Variants in PARD3B observed in about 807,000 individuals in gnomAD.
The protein encoded by PARD3B is par-3 family cell polarity regulator beta, also known as partitioning defective 3 homolog B.
Under a neutral mutation model 130.2 loss-of-function variants are expected in PARD3B, and 103 were observed. The observed-to-expected ratio is 0.79, with a 90% CI of 0.67 to 0.93. The LOEUF (loss-of-function observed/expected upper bound fraction) is 0.93. Among genes scored for constraint, PARD3B ranks in the 40% least tolerant of loss-of-function variants. The pLI, the probability that PARD3B is intolerant of heterozygous loss-of-function variation, is 0.00. For missense variants in PARD3B, 1,609 were observed against 1,499.2 expected, an observed-to-expected ratio of 1.07 and a Z score of -1.21; for synonymous variants, 583 against 553.2, an observed-to-expected ratio of 1.05 and a Z score of -0.76.
intron 3 of PARD3B, among the ~76,000 whole-genome samples, chr2:204,994,987 A>G (rs1425893858): frequency 6.6e-6 from 1 of 150,512 alleles, no homozygotes; most frequent in Non-Finnish European, 1.5e-5. Context: ...TGCACGTGAG[A>G]TGGGTTTCCT....
intron 2 of PARD3B, among the ~76,000 whole-genome samples, chr2:204,958,171 T>G (rs1427780160): frequency 6.6e-6 from 1 of 152,212 alleles, no homozygotes; most frequent in Admixed American, 6.5e-5. Flanking sequence ...TGATTCTTTT[T>G]TATTTTCTAC....
At chr2:204,819,022 A>G (rs138716767) in intron 2 of PARD3B, among the ~76,000 whole-genome samples, 15 of 152,358 alleles carry the variant, frequency 9.8e-5, no homozygotes, top group Non-Finnish European at 1.8e-4. Context: ...AGCTAGAGAC[A>G]TCAGCATGAA....
At chr2:205,124,592 T>A (rs926170897) in intron 9 of PARD3B, 126 bp downstream of exon 9, 4 of 666,000 alleles carry the variant, frequency 6.0e-6, no homozygotes, top group African/African-American at 5.7e-5. Flanking sequence ...TATTAAAAAT[T>A]ATTACTTATA....
At chr2:205,084,391 T>C (rs1027587680) in intron 4 of PARD3B, among the ~76,000 whole-genome samples, 14 of 152,084 alleles carry the variant, frequency 9.2e-5, no homozygotes, top group Non-Finnish European at 1.5e-4. Context: ...GAATATTTCA[T>C]AGGTGGTGCT....
At chr2:204,874,829 T>C (rs901407693) in intron 2 of PARD3B, among the ~76,000 whole-genome samples, 2 of 152,204 alleles carry the variant, frequency 1.3e-5, no homozygotes, top group African/African-American at 4.8e-5. Context: ...AAAGGAATCA[T>C]AGTTGCTATT....
chr2:204,875,804 G>A lies in PARD3B; in HGVS notation c.223-89348G>A, dbSNP rs139736951. On this transcript the variant is annotated intron_variant, in intron 2 of 22. Coordinates refer to ENST00000406610, the MANE Select transcript of PARD3B (RefSeq NM_001302769.2). ...GTTTTAAAGGTAGGATTAAGAAGGC[G>A]GCCCTAAAAATCTTACAGTATGTCA... is the stretch of plus-strand genomic sequence containing the variant. Among the ~76,000 whole-genome samples the A allele has an allele frequency of 6.6e-3, 1,005 of 152,250 alleles. 10 individuals are homozygous for A. Among genetic ancestry groups the A allele is most frequent in the African/African-American group, 0.022 (903 of 41,542 alleles).
At chr2:204,845,085 G>C (rs2044407892) in intron 2 of PARD3B, among the ~76,000 whole-genome samples, 1 of 152,098 alleles carries the variant, frequency 6.6e-6, no homozygotes, top group Non-Finnish European at 1.5e-5. Context: ...GGCTAAATGA[G>C]AGTTGAAAAT....
intron 3 of PARD3B, among the ~76,000 whole-genome samples, chr2:204,996,958 A>C (rs1456083903): frequency 4.6e-5 from 7 of 151,074 alleles, no homozygotes; most frequent in South Asian, 4.2e-4. Flanking sequence ...GTGCGCGCAC[A>C]CACTGGCCTG....
chr2:205,391,850 A>G (rs1018600927), intron 18 of PARD3B, among the ~76,000 whole-genome samples: 5 of 151,794 alleles, frequency 3.3e-5, no homozygotes, highest in East Asian at 3.9e-4. Context: ...CCTTTTTTTC[A>G]TAAGTTTCCC....
chr2:204,789,587 C>T (rs922466050), intron 2 of PARD3B, among the ~76,000 whole-genome samples: 2 of 152,128 alleles, frequency 1.3e-5, no homozygotes, highest in African/African-American at 4.8e-5. Flanking sequence ...TTTAATTCTG[C>T]AATGAAGCAA....
chr2:205,039,730 A>G (rs1383914102), intron 3 of PARD3B, among the ~76,000 whole-genome samples: 1 of 152,044 alleles, frequency 6.6e-6, no homozygotes, highest in African/African-American at 2.4e-5. Context: ...TTGGTTTCCC[A>G]AAGTGTTGGG....
intron 2 of PARD3B, among the ~76,000 whole-genome samples, chr2:204,916,890 A>C (rs2047467513): frequency 1.3e-5 from 2 of 152,214 alleles, no homozygotes; most frequent in Admixed American, 1.3e-4. Flanking sequence ...GTGTTTATTG[A>C]GTACCAGTAA....
chr2:204,806,766 G>A (rs907601568), intron 2 of PARD3B, among the ~76,000 whole-genome samples: 2 of 152,168 alleles, frequency 1.3e-5, no homozygotes, highest in East Asian at 1.9e-4. Context: ...GAACCAGAAT[G>A]TATAAGGAGC....
Position 204,822,521 on chromosome 2 carries a change from TA to T in PARD3B, c.222+136245del, listed in dbSNP as rs539672277. 1.2e-3 allele frequency among the ~76,000 whole-genome samples: 182 copies of T among 152,304 alleles called. 1 individual carries two copies. The highest frequency in any genetic ancestry group is 2.3e-3 in the Non-Finnish European group (154 of 68,000). Reference sequence around the variant, plus strand: ...ACATAAAAGGACTTTAAGGTTCAAATAAAAAATAGATTTAATTCATTTTGTA... The same window carrying T: ...ACATAAAAGGACTTTAAGGTTCAAATAAAAATAGATTTAATTCATTTTGTA... On this transcript the variant is annotated intron_variant, in intron 2 of 22. Transcript: ENST00000406610.
chr2:204,901,032 C>T (rs1289985404), intron 2 of PARD3B, among the ~76,000 whole-genome samples: 9 of 152,088 alleles, frequency 5.9e-5, no homozygotes, highest in African/African-American at 2.2e-4. Flanking sequence ...CACAAGGACC[C>T]TTGTGGCCAT....
At chr2:205,489,567 T>TACATATATACATATATACAC (rs775077563) in intron 20 of PARD3B, among the ~76,000 whole-genome samples, 1 of 147,718 alleles carries the variant, frequency 6.8e-6, no homozygotes, top group African/African-American at 2.5e-5. Context: ...TACATATATA[T>TACATATATACATATATACAC]ACACACACAC....
intron 2 of PARD3B, among the ~76,000 whole-genome samples, chr2:204,748,998 C>T (rs1374869777): frequency 6.6e-6 from 1 of 152,048 alleles, no homozygotes; most frequent in Non-Finnish European, 1.5e-5. Flanking sequence ...AGCCAACCCC[C>T]TTTTCGTTAA....
chr2:204,654,197 T>C (rs2035573219), intron 1 of PARD3B, among the ~76,000 whole-genome samples: 1 of 151,166 alleles, frequency 6.6e-6, no homozygotes, highest in African/African-American at 2.5e-5. Context: ...TTATGGTGAG[T>C]GTGCCTGTGT....
chr2:205,495,932 CAT>C (rs1273643412), intron 20 of PARD3B, among the ~76,000 whole-genome samples: 1 of 114,586 alleles, frequency 8.7e-6, no homozygotes, highest in Non-Finnish European at 1.9e-5. Context: ...TAAATAAACT[CAT>C]GTACAATTCC....
Sources: gnomAD v4.1 joint callset for allele counts (sites outside exome capture counted in the v4.1 genomes callset) on GRCh38, gnomAD v4.1.1 for gene constraint, MANE v1.5 for transcripts, NCBI Gene and HGNC (gene_info 2026-07-23, HGNC 2026-07-21) for gene names.